The following ACOX3 variants were observed in gnomAD, a reference collection of about 807,000 sequenced individuals.
ACOX3 encodes the protein acyl-CoA oxidase 3, pristanoyl.
ACOX3 carries 73 observed loss-of-function variants against 81.5 expected under a neutral mutation model. The observed-to-expected ratio is 0.90, with a 90% CI of 0.74 to 1.09. The LOEUF is 1.09. Ranked by LOEUF, ACOX3 falls within the 50% of genes least tolerant of loss-of-function variation. ACOX3 has a pLI of 0.00. For missense variants in ACOX3, 947 were observed against 928.0 expected (o/e 1.02, Z -0.27); for synonymous variants, 387 against 375.1 (o/e 1.03, Z -0.37).
At chr4:8,417,239 G>A (rs1235688869) in intron 1 of ACOX3, among the ~76,000 whole-genome samples, 1 of 152,260 alleles carries the variant, frequency 6.6e-6, no homozygotes, top group Admixed American at 6.5e-5. Context: ...AAGTCTGTCT[G>A]AGTCCTGGGC....
In ACOX3 at chr4:8,367,144, G is replaced by T. The variant is rs189997296; in HGVS notation, c.1984-64C>A. ...ATAAGAAGGAAAAGATTCCTAGACG[G>T]CTGAGTGTGCAAATGCAACTCCTCA... On this transcript the variant is annotated intron_variant, in intron 17 of 17. Coordinates refer to ENST00000356406, the MANE Select transcript of ACOX3 (RefSeq NM_003501.3). 83 of 1,581,162 alleles carry T rather than the reference G, an allele frequency of 5.2e-5. 1 individual carries two copies. The Admixed American group carries it at 7.1e-4, about 13-fold the overall frequency.
At chr4:8,427,366 T>G (rs1723594771) in intron 1 of ACOX3, among the ~76,000 whole-genome samples, 1 of 152,212 alleles carries the variant, frequency 6.6e-6, no homozygotes, top group Non-Finnish European at 1.5e-5. Context: ...TTCTGGTCCA[T>G]GTTTGTTCCG....
rs758914767 is a variant in ACOX3 at position 8,399,736 on chromosome 4, T to G, written c.777-84A>C. Reference sequence around the variant, plus strand: ...TCTCCAAGGGCAGCCTAAAAGCTGATGCAATCCCCGAGGACAAAGAAAATG... The same window carrying G: ...TCTCCAAGGGCAGCCTAAAAGCTGAGGCAATCCCCGAGGACAAAGAAAATG... On this transcript the variant is annotated intron_variant, in intron 7 of 17. Coordinates refer to ENST00000356406, the MANE Select transcript of ACOX3 (RefSeq NM_003501.3). This position sits in a 1 kb window ranked among gnomAD's most constrained non-coding sequence, Gnocchi z 4.9. The G allele has an allele frequency of 6.4e-6, 8 of 1,241,438 alleles. No homozygotes were observed. Among genetic ancestry groups the G allele is most frequent in the Non-Finnish European group, 9.4e-6 (8 of 854,904 alleles). The allele number at this position is 1,241,438 out of a possible 1,614,324, so 76.9% of individuals were successfully genotyped here.
Position 8,394,667 on chromosome 4 carries a change from C to A in ACOX3, c.1132G>T (p.Val378Leu). ...GATGCAAGTCCTCGCTGGAGCTCCACCAGGTCCAGGAAGAGCGACTTGGAG... is the reference window on the plus strand; with the variant it reads ...GATGCAAGTCCTCGCTGGAGCTCCAACAGGTCCAGGAAGAGCGACTTGGAG... Reference protein sequence around the residue: ...HFSKSLFLDLVELQRGLASGD... With the variant: ...HFSKSLFLDLLELQRGLASGD... The change falls in exon 10 of 18, where the codon GTG becomes TTG. Residue 378 changes from valine (V) to leucine (L), a missense_variant. Transcript: ENST00000356406. This position sits in a 1 kb window ranked among gnomAD's most constrained non-coding sequence, Gnocchi z 5.9. The A allele has an allele frequency of 1.9e-6, 3 of 1,613,886 alleles. No homozygotes were observed. The highest frequency in any genetic ancestry group is 2.5e-6 in the Non-Finnish European group (3 of 1,180,000).
chr4:8,416,265 G>A lies in ACOX3; in HGVS notation c.144+113C>T, dbSNP rs551577265. ...GAGAGGAGAGAGGCCGCGCTGCCTG[G>A]GATGAGCCTCGCCCGGCAGAGGAGG... is the stretch of plus-strand genomic sequence containing the variant. On this transcript the variant is annotated intron_variant, in intron 2 of 17. Transcript: ENST00000356406. This position sits in a 1 kb window ranked among gnomAD's most constrained non-coding sequence, Gnocchi z 4.2. 2 of 1,574,144 alleles carry A rather than the reference G, an allele frequency of 1.3e-6. No individual in the cohort carries two copies. The highest frequency in any genetic ancestry group is 2.7e-5 in the African/African-American group (2 of 74,226).
intron 1 of ACOX3, among the ~76,000 whole-genome samples, chr4:8,433,187 T>C (rs1256426308): frequency 1.3e-5 from 2 of 152,242 alleles, no homozygotes; most frequent in East Asian, 3.8e-4. Flanking sequence ...CAGTCTGAGA[T>C]AGTTCTGCCA....
rs143416593 is a variant in ACOX3, at chr4:8,396,958, T to G, written c.1035A>C (p.Pro345=). ...QFGPTEEEEI[P]VLEYPMQQWR... The stretch of plus-strand genomic sequence containing the variant: ...ATACCTGCATTGGATACTCAAGCAC[T>G]GGTATTTCCTCCTCCTCTGTGGGTC... Residue 345 remains proline, a synonymous_variant, in exon 9 of 18, where the codon CCA becomes CCC. Coordinates refer to ENST00000356406, the MANE Select transcript of ACOX3 (RefSeq NM_003501.3). 6.2e-7 allele frequency: 1 copy of G among 1,612,004 alleles called. No individual in the cohort carries two copies. Among genetic ancestry groups the G allele is most frequent in the Non-Finnish European group, 8.5e-7 (1 of 1,179,378 alleles).
the ACOX3 span, chr4:8,357,509 C>T: frequency 3.2e-5 from 10 of 313,814 alleles, no homozygotes; most frequent in South Asian, 2.9e-4. Flanking sequence ...CAAAATAGTA[C>T]CTAATAATCA....
intron 11 of ACOX3, among the ~76,000 whole-genome samples, chr4:8,391,905 C>A (rs574314206): frequency 6.6e-6 from 1 of 152,212 alleles, no homozygotes; most frequent in Non-Finnish European, 1.5e-5. Flanking sequence ...TCTATTCAAA[C>A]AAAACATGGT....
At chr4:8,388,419 C>T (rs1370085009) in intron 13 of ACOX3, among the ~76,000 whole-genome samples, 3 of 152,262 alleles carry the variant, frequency 2.0e-5, no homozygotes, top group Non-Finnish European at 2.9e-5. Context: ...AACCCAGGAA[C>T]GCGAGAGCAG....
At position 8,430,725 on chromosome 4, in the gene ACOX3, G is replaced by A. The variant is rs553709438; in HGVS notation, c.-15+9923C>T. On this transcript the variant is annotated intron_variant, in intron 1 of 17. Coordinates refer to ENST00000356406, the MANE Select transcript of ACOX3 (RefSeq NM_003501.3). The surrounding 1 kb of genome is among the most constrained non-coding windows in gnomAD (Gnocchi z 5.2). ...ACAAAAATTAGCTGGGCATGGTGGC[G>A]GGCGCCTGTAATCCCAGCTACTTGG... 3.3e-5 allele frequency among the ~76,000 whole-genome samples: 5 copies of A among 152,168 alleles called. No individual in the cohort carries two copies. The East Asian group carries it at 5.8e-4, about 18-fold the overall frequency.
chr4:8,425,605 T>A (rs1019925801), intron 1 of ACOX3, among the ~76,000 whole-genome samples: 2 of 149,130 alleles, frequency 1.3e-5, no homozygotes, highest in Non-Finnish European at 3.0e-5. Context: ...CCAAGCTCCT[T>A]CAGGAGAACA....
chr4:8,379,436 G>A (rs1466251517), intron 14 of ACOX3, among the ~76,000 whole-genome samples: 2 of 152,204 alleles, frequency 1.3e-5, no homozygotes, highest in African/African-American at 2.4e-5. Flanking sequence ...GGTGTCTGTG[G>A]GTGTCTGTCA....
At chr4:8,390,305 C>T (rs1718835425) in intron 11 of ACOX3, among the ~76,000 whole-genome samples, 1 of 151,882 alleles carries the variant, frequency 6.6e-6, no homozygotes, top group Non-Finnish European at 1.5e-5. Flanking sequence ...GGTCATGCCA[C>T]TGTACTCCAG....
At chr4:8,397,243 C>G (rs886142051) in intron 8 of ACOX3, 124 bp from the exon 9 acceptor site, 2 of 958,606 alleles carry the variant, frequency 2.1e-6, no homozygotes, top group Non-Finnish European at 2.9e-6. Context: ...CCTGCCCAGG[C>G]CCCATCCCCA....
chr4:8,379,676 G>A (rs533824755), intron 14 of ACOX3, among the ~76,000 whole-genome samples: 11 of 152,296 alleles, frequency 7.2e-5, no homozygotes, highest in Middle Eastern at 3.4e-3. Context: ...AGGACCTACC[G>A]GGCAGTTCTA....
At chr4:8,413,428 TCACTGAACCCCTGCG>T (rs1721989907) in intron 5 of ACOX3, among the ~76,000 whole-genome samples, 1 of 133,802 alleles carries the variant, frequency 7.5e-6, no homozygotes, top group African/African-American at 2.9e-5. Context: ...GTGGCCCGTC[TCACTGAACCCCTGCG>T]CCCCTCCACA....
Position 8,386,565 on chromosome 4 carries a change from CAAAAA to C in ACOX3, c.1537+2603_1537+2607del, listed in dbSNP as rs567670556. ...TGGGCGACAGAGCGAGACTCCGTCT[CAAAAA>C]AAAAAAAAAAAAGAAAGTGACTTGC... is the stretch of plus-strand genomic sequence containing the variant. On this transcript the variant is annotated intron_variant, in intron 13 of 17. Coordinates refer to ENST00000356406, the MANE Select transcript of ACOX3 (RefSeq NM_003501.3). The surrounding 1 kb of genome is among the most constrained non-coding windows in gnomAD (Gnocchi z 5.2). Among the ~76,000 whole-genome samples the C allele has an allele frequency of 1.6e-5, 1 of 64,468 alleles. No individual in the cohort carries two copies. The highest frequency in any genetic ancestry group is 5.3e-5 in the African/African-American group (1 of 18,944). The allele number at this position is 64,468 out of a possible 152,430, so 42.3% of individuals were successfully genotyped here.
the ACOX3 span, chr4:8,357,456 TATAAGTG>T: frequency 5.7e-6 from 2 of 348,404 alleles, no homozygotes; most frequent in Non-Finnish European, 5.7e-6. Flanking sequence ...CATGTGGAGT[TATAAGTG>T]ATATCTATTT....
Sources: gnomAD v4.1 joint callset for allele counts (sites outside exome capture counted in the v4.1 genomes callset) on GRCh38, gnomAD v4.1.1 for gene constraint, Gnocchi (gnomAD v3.1) non-coding constraint, MANE v1.5 for transcripts, NCBI Gene and HGNC (gene_info 2026-07-23, HGNC 2026-07-21) for gene names.